The following NCOR1 variants were observed in gnomAD, a reference collection of about 807,000 sequenced individuals.
The protein encoded by NCOR1 is nuclear receptor corepressor 1, also known as protein phosphatase 1, regulatory subunit 109.
In NCOR1, 63 loss-of-function variants were observed where a neutral mutation model predicts 288.1. That is an observed-to-expected ratio of 0.22 (90% CI 0.18 to 0.27). The LOEUF (loss-of-function observed/expected upper bound fraction) is 0.27. Ranked by LOEUF, NCOR1 falls within the 10% of genes least tolerant of loss-of-function variation. The probability of loss-of-function intolerance (pLI) is 1.00; values close to 1 mark genes in which losing one functional copy is unlikely to be tolerated. For missense variants in NCOR1, 2,397 were observed against 3,019.2 expected (o/e 0.79, Z 4.83); for synonymous variants, 1,007 against 1,065.9 (o/e 0.94, Z 1.08).
At chr17:16,202,492 G>A (rs866260133) in intron 1 of NCOR1, among the ~76,000 whole-genome samples, 15 of 151,532 alleles carry the variant, frequency 9.9e-5, no homozygotes, top group Admixed American at 2.0e-4. Flanking sequence ...GAAGAACAAA[G>A]AAATTGAGAT....
intron 19 of NCOR1, among the ~76,000 whole-genome samples, chr17:16,106,883 ATTTTT>A (rs144246158): frequency 2.5e-4 from 8 of 31,406 alleles, no homozygotes; most frequent in African/African-American, 1.1e-3. Flanking sequence ...ATATATATAT[ATTTTT>A]TTTTTTTTTT....
At chr17:16,138,016 TCATTA>T (rs2076668395) in intron 13 of NCOR1, 137 bp downstream of exon 13, 1 of 593,502 alleles carries the variant, frequency 1.7e-6, no homozygotes, top group Non-Finnish European at 2.9e-6. Flanking sequence ...ATTGTAATTA[TCATTA>T]CATTAATCAC....
Position 16,031,476 on chromosome 17 carries a change from A to C in NCOR1, c.*820T>G, listed in dbSNP as rs1971979219. The C allele has an allele frequency of 5.0e-6, 1 of 199,328 alleles. No homozygotes were observed. The highest frequency in any genetic ancestry group is 1.0e-5 in the Non-Finnish European group (1 of 96,504). The allele number at this position is 199,328 out of a possible 1,614,324, so 12.3% of individuals were successfully genotyped here. ...CTGCATCAAATGCAGGAGAAAAGGAATACTTAGGGGCATGGTTAAATTACC... is the reference window on the plus strand; with the variant it reads ...CTGCATCAAATGCAGGAGAAAAGGACTACTTAGGGGCATGGTTAAATTACC... On this transcript the variant is annotated 3_prime_UTR_variant, in exon 46 of 46. Coordinates refer to ENST00000268712, the MANE Select transcript of NCOR1 (RefSeq NM_006311.4).
rs546620513 is a variant in NCOR1, at chr17:16,125,693, C to A, written c.1634+389G>T. Among the ~76,000 whole-genome samples the A allele has an allele frequency of 3.7e-3, 438 of 116,854 alleles. 1 individual carries two copies. The highest frequency in any genetic ancestry group is 6.4e-3 in the South Asian group (24 of 3,744). The allele number at this position is 116,854 out of a possible 152,430, so 76.7% of individuals were successfully genotyped here. A position where few individuals can be genotyped will look rare whatever the true frequency, so the allele number is the denominator to read the frequency against. On this transcript the variant is annotated intron_variant, in intron 15 of 45. Transcript: ENST00000268712. ...CTCCAGCCTGGGCAACAGAGCGAGACGCCATCACAAAAAAAAAAAAAAAAA... is the reference window on the plus strand; with the variant it reads ...CTCCAGCCTGGGCAACAGAGCGAGAAGCCATCACAAAAAAAAAAAAAAAAA...
At chr17:16,155,636 G>GT (rs1378222867) in intron 6 of NCOR1, among the ~76,000 whole-genome samples, 3 of 152,220 alleles carry the variant, frequency 2.0e-5, no homozygotes, top group East Asian at 1.9e-4. Flanking sequence ...CGTTGGGGCA[G>GT]TTTTTTTCCT....
chr17:16,149,803 A>T (rs1225590945), intron 8 of NCOR1, among the ~76,000 whole-genome samples: 2 of 152,164 alleles, frequency 1.3e-5, no homozygotes, highest in African/African-American at 4.8e-5. Flanking sequence ...AATTAAAATT[A>T]CAGTTACTTA....
intron 14 of NCOR1, among the ~76,000 whole-genome samples, chr17:16,130,171 C>A (rs1014000092): frequency 3.9e-5 from 6 of 152,222 alleles, no homozygotes; most frequent in Non-Finnish European, 8.8e-5. Context: ...AGAGGAAGTG[C>A]AGTCAGCAGC....
chr17:16,110,052 A>C (rs1341298656), intron 18 of NCOR1, among the ~76,000 whole-genome samples: 1 of 152,140 alleles, frequency 6.6e-6, no homozygotes, highest in Non-Finnish European at 1.5e-5. Context: ...AATTTCTTTT[A>C]CTATAAAAAA....
chr17:16,127,714 T>TGTATACAC (rs1568211091), intron 14 of NCOR1, among the ~76,000 whole-genome samples: 6 of 123,674 alleles, frequency 4.9e-5, no homozygotes, highest in East Asian at 2.0e-4. Flanking sequence ...TATGTGTGTG[T>TGTATACAC]ATATATACAT....
chr17:16,060,863 G>A (rs527742592), intron 37 of NCOR1, among the ~76,000 whole-genome samples: 9 of 152,326 alleles, frequency 5.9e-5, no homozygotes, highest in African/African-American at 2.2e-4. Context: ...GCATTTTAAT[G>A]TAGACCTGTG....
intron 6 of NCOR1, among the ~76,000 whole-genome samples, chr17:16,153,910 T>A (rs1459125632): frequency 1.3e-5 from 2 of 152,012 alleles, no homozygotes; most frequent in South Asian, 2.1e-4. Context: ...TTACAAGGAA[T>A]CCTTAGTAAT....
At position 16,119,310 on chromosome 17, in the gene NCOR1, C is replaced by T. The variant is rs2072479968; in HGVS notation, c.1915+113G>A. On this transcript the variant is annotated intron_variant, in intron 17 of 45. Coordinates refer to ENST00000268712, the MANE Select transcript of NCOR1 (RefSeq NM_006311.4). The stretch of plus-strand genomic sequence containing the variant: ...TAAAGTCACTTCTGAGTCCTCTTTG[C>T]CTTTTTGAAAGAATTTTTTTTCCAA... 15 of 732,866 alleles carry T rather than the reference C, an allele frequency of 2.0e-5. No homozygotes were observed. The South Asian group carries it at 2.9e-4, about 14-fold the overall frequency. The allele number at this position is 732,866 out of a possible 1,614,324, so 45.4% of individuals were successfully genotyped here.
At chr17:16,103,595 T>C (rs887642028) in intron 19 of NCOR1, among the ~76,000 whole-genome samples, 1 of 152,252 alleles carries the variant, frequency 6.6e-6, no homozygotes, top group Non-Finnish European at 1.5e-5. Context: ...CACTGGCCTT[T>C]ATTTAGTTTG....
At chr17:16,155,393 C>A (rs529866594) in intron 6 of NCOR1, among the ~76,000 whole-genome samples, 373 of 148,766 alleles carry the variant, frequency 2.5e-3, no homozygotes, top group Middle Eastern at 3.5e-3. Context: ...ACACACACAC[C>A]CACAAAGATA....
At chr17:16,193,612 C>T (rs1446739382) in intron 2 of NCOR1, among the ~76,000 whole-genome samples, 1 of 152,102 alleles carries the variant, frequency 6.6e-6, no homozygotes, top group Non-Finnish European at 1.5e-5. Flanking sequence ...AGGGGGACAA[C>T]ACAAGCAAAA....
At chr17:16,169,717 C>T (rs2082748330) in intron 4 of NCOR1, among the ~76,000 whole-genome samples, 1 of 152,138 alleles carries the variant, frequency 6.6e-6, no homozygotes, top group African/African-American at 2.4e-5. Flanking sequence ...CAACACAACA[C>T]GTCCCATTTT....
chr17:16,144,759 C>A (rs1333441776), intron 10 of NCOR1, among the ~76,000 whole-genome samples: 1 of 151,658 alleles, frequency 6.6e-6, no homozygotes, highest in African/African-American at 2.4e-5. Context: ...CCGCTTTCCA[C>A]GATCTCCCTC....
At position 16,029,894 on chromosome 17, in the gene NCOR1, C is replaced by T. The variant is rs1488215649; in HGVS notation, c.*2402G>A. The T allele has an allele frequency of 6.5e-6, 1 of 153,544 alleles. No homozygotes were observed. The highest frequency in any genetic ancestry group is 2.1e-4 in the South Asian group (1 of 4,844). 9.5% of individuals were successfully genotyped at this position (153,544 alleles called of 1,614,324 possible). A position where few individuals can be genotyped will look rare whatever the true frequency, so the allele number is the denominator to read the frequency against. ...TCACAGCACCTCACCTTCGGGTCCT[C>T]AGGTAGAACTGCAAGAGTAAGAAGT... On this transcript the variant is annotated 3_prime_UTR_variant, in exon 46 of 46. Coordinates refer to ENST00000268712, the MANE Select transcript of NCOR1 (RefSeq NM_006311.4).
In NCOR1 at chr17:16,094,501, C is replaced by T. The variant is rs558203559; in HGVS notation, c.2821-2443G>A. On this transcript the variant is annotated intron_variant, in intron 21 of 45. Coordinates refer to ENST00000268712, the MANE Select transcript of NCOR1 (RefSeq NM_006311.4). The stretch of plus-strand genomic sequence containing the variant: ...AAAAGAACAAGGTCATTTTCTGGTG[C>T]CTAAAGAAAAATTGAGAGTGTTGGA... Among the ~76,000 whole-genome samples the T allele has an allele frequency of 3.9e-5, 6 of 152,140 alleles. No homozygotes were observed. In the East Asian group the frequency reaches 9.7e-4, roughly 25 times the overall value.
Sources: allele counts gnomAD v4.1 joint callset (sites outside exome capture counted in the v4.1 genomes callset), GRCh38; gene constraint gnomAD v4.1.1; transcripts MANE v1.5; gene names NCBI Gene and HGNC (gene_info 2026-07-23, HGNC 2026-07-21).